RGS17: variants seen among roughly 807,000 people sequenced by gnomAD.
RGS17 encodes the protein regulator of G protein signaling 17, also known as regulator of G-protein signaling 17.
A neutral mutation model predicts 25.5 loss-of-function variants in RGS17; 12 were observed. That is an observed-to-expected ratio of 0.47 (90% CI 0.30 to 0.76). The LOEUF is 0.76. RGS17 is among the 30% of genes least tolerant of loss of function. The pLI, the probability that RGS17 is intolerant of heterozygous loss-of-function variation, is 0.07. For missense variants in RGS17, 196 were observed against 242.2 expected (o/e 0.81, Z 1.27); for synonymous variants, 71 against 76.9 (o/e 0.92, Z 0.40).
intron 4 of RGS17, among the ~76,000 whole-genome samples, chr6:153,022,399 A>G (rs1283350327): frequency 1.3e-5 from 2 of 152,258 alleles, no homozygotes; most frequent in East Asian, 3.8e-4. Flanking sequence ...AAAATGTTTT[A>G]CATAAAAAAC....
At chr6:153,109,015 T>C (rs1250742184) in intron 1 of RGS17, among the ~76,000 whole-genome samples, 1 of 152,154 alleles carries the variant, frequency 6.6e-6, no homozygotes, top group Non-Finnish European at 1.5e-5. Flanking sequence ...GCTCAGTAAG[T>C]AATTTGTTTA....
At chr6:153,047,977 G>A (rs1776405782) in intron 1 of RGS17, among the ~76,000 whole-genome samples, 1 of 151,992 alleles carries the variant, frequency 6.6e-6, no homozygotes, top group Non-Finnish European at 1.5e-5. Flanking sequence ...AATTTTGAAT[G>A]GCCACAGTGT....
chr6:153,120,639 G>A (rs1247040317), intron 1 of RGS17, among the ~76,000 whole-genome samples: 2 of 152,136 alleles, frequency 1.3e-5, no homozygotes, highest in Non-Finnish European at 2.9e-5. Context: ...TCCGCTTAGA[G>A]AGCTTCAGCA....
At chr6:153,066,841 A>G (rs1301062434) in intron 1 of RGS17, among the ~76,000 whole-genome samples, 1 of 152,154 alleles carries the variant, frequency 6.6e-6, no homozygotes, top group Non-Finnish European at 1.5e-5. Context: ...GGAGATCGAG[A>G]CCATCCTGGC....
In RGS17 at chr6:153,006,381, T is replaced by A. The variant is rs1229446720; in HGVS notation, c.*5193A>T. ...TTCAAATGATTGATCTTATTTAAAC[T>A]TTAATTTTAACCTATAATTGTATAT... On this transcript the variant is annotated 3_prime_UTR_variant, in exon 5 of 5. Coordinates refer to ENST00000206262, the MANE Select transcript of RGS17 (RefSeq NM_012419.5). 2 of 152,350 alleles carry A rather than the reference T, an allele frequency of 1.3e-5. No homozygotes were observed. Among genetic ancestry groups the A allele is most frequent in the African/African-American group, 4.8e-5 (2 of 41,332 alleles). 9.4% of individuals were successfully genotyped at this position (152,350 alleles called of 1,614,324 possible).
chr6:153,055,680 C>T (rs981324460), intron 1 of RGS17, among the ~76,000 whole-genome samples: 1 of 152,150 alleles, frequency 6.6e-6, no homozygotes, highest in Non-Finnish European at 1.5e-5. Flanking sequence ...GGAAGAAATA[C>T]TAACGGACCC....
At chr6:153,109,766 G>A (rs1346412389) in intron 1 of RGS17, among the ~76,000 whole-genome samples, 1 of 152,188 alleles carries the variant, frequency 6.6e-6, no homozygotes, top group Non-Finnish European at 1.5e-5. Flanking sequence ...AGAGTGTCAG[G>A]GTGCCATTTA....
intron 1 of RGS17, among the ~76,000 whole-genome samples, chr6:153,062,552 C>G (rs1776654247): frequency 6.6e-6 from 1 of 152,122 alleles, no homozygotes; most frequent in Admixed American, 6.5e-5. Context: ...GAAAGGCAGT[C>G]TAAGCTACAA....
chr6:153,021,403 G>A (rs1001082046), intron 4 of RGS17, among the ~76,000 whole-genome samples: 1 of 152,190 alleles, frequency 6.6e-6, no homozygotes, highest in Non-Finnish European at 1.5e-5. Flanking sequence ...GTTCAGTGAG[G>A]TACATAATAG....
intron 4 of RGS17, among the ~76,000 whole-genome samples, chr6:153,012,161 A>G (rs778324843): frequency 1.3e-5 from 2 of 152,238 alleles, no homozygotes; most frequent in Non-Finnish European, 2.9e-5. Flanking sequence ...ATAAAAATCT[A>G]CTGGCAGAAA....
intron 1 of RGS17, among the ~76,000 whole-genome samples, chr6:153,129,445 TCACG>T (rs1267614157): frequency 6.6e-6 from 1 of 152,240 alleles, no homozygotes; most frequent in Non-Finnish European, 1.5e-5. Context: ...TTTAAATGTT[TCACG>T]GTTTGCAAAT....
rs923844148 is a variant in RGS17, at chr6:153,130,878, A to G, written c.-26+246T>C. Among the ~76,000 whole-genome samples, 6 of 151,928 alleles carry G rather than the reference A, an allele frequency of 3.9e-5. No individual in the cohort carries two copies. The highest frequency in any genetic ancestry group is 6.5e-5 in the Admixed American group (1 of 15,290). On this transcript the variant is annotated intron_variant, in intron 1 of 4. Coordinates refer to ENST00000206262, the MANE Select transcript of RGS17 (RefSeq NM_012419.5). The surrounding 1 kb of genome is among the most constrained non-coding windows in gnomAD (Gnocchi z 6.4). Reference sequence around the variant, plus strand: ...TGAGGGCGGCGAGCGGACCGCGTCCAGGCAGCGACGCGGGATTCAACTTCC... The same window carrying G: ...TGAGGGCGGCGAGCGGACCGCGTCCGGGCAGCGACGCGGGATTCAACTTCC...
intron 1 of RGS17, among the ~76,000 whole-genome samples, chr6:153,064,936 G>A (rs1389899055): frequency 6.6e-6 from 1 of 152,094 alleles, no homozygotes; most frequent in Non-Finnish European, 1.5e-5. Context: ...AAAATGGCAA[G>A]AGTAAATCCT....
intron 1 of RGS17, among the ~76,000 whole-genome samples, chr6:153,070,578 C>A (rs1436878389): frequency 6.6e-6 from 1 of 151,624 alleles, no homozygotes; most frequent in South Asian, 2.1e-4. Flanking sequence ...GGGACTTGAA[C>A]ATCAAGAGTT....
intron 1 of RGS17, among the ~76,000 whole-genome samples, chr6:153,074,822 A>T (rs1010606939): frequency 6.6e-6 from 1 of 152,174 alleles, no homozygotes; most frequent in Non-Finnish European, 1.5e-5. Context: ...TTACTGACTG[A>T]CTGGTAGTCT....
chr6:153,069,700 T>C (rs1776759462), intron 1 of RGS17, among the ~76,000 whole-genome samples: 1 of 151,916 alleles, frequency 6.6e-6, no homozygotes, highest in Non-Finnish European at 1.5e-5. Context: ...TGCATGCCTG[T>C]ATCATAACAT....
chr6:153,096,620 T>A (rs936939596), intron 1 of RGS17, among the ~76,000 whole-genome samples: 1 of 152,226 alleles, frequency 6.6e-6, no homozygotes, highest in Non-Finnish European at 1.5e-5. Flanking sequence ...GTCACAGCTA[T>A]ATGATCGTTG....
At chr6:153,062,188 T>C (rs1351104546) in intron 1 of RGS17, among the ~76,000 whole-genome samples, 1 of 135,914 alleles carries the variant, frequency 7.4e-6, no homozygotes, top group Non-Finnish European at 1.5e-5. Flanking sequence ...ATACTCACAA[T>C]ACCTGGTTTT....
Position 153,010,044 on chromosome 6 carries a change from T to TA in RGS17, c.*1529dup, listed in dbSNP as rs1584115474. Reference sequence around the variant, plus strand: ...AATAAATTAAAAAATGAGAGGTAGTTAAAAAAATGACAAAGAAAACCTGTA... The same window carrying TA: ...AATAAATTAAAAAATGAGAGGTAGTTAAAAAAAATGACAAAGAAAACCTGTA... On this transcript the variant is annotated 3_prime_UTR_variant, in exon 5 of 5. Transcript: ENST00000206262. 1.3e-5 allele frequency: 2 copies of TA among 151,752 alleles called. No individual in the cohort carries two copies. Among genetic ancestry groups the TA allele is most frequent in the East Asian group, 3.8e-4 (2 of 5,196 alleles). 9.4% of individuals were successfully genotyped at this position (151,752 alleles called of 1,614,324 possible). A position where few individuals can be genotyped will look rare whatever the true frequency, so the allele number is the denominator to read the frequency against.
Sources: allele counts gnomAD v4.1 joint callset (sites outside exome capture counted in the v4.1 genomes callset), GRCh38; gene constraint gnomAD v4.1.1; non-coding constraint Gnocchi (gnomAD v3.1); transcripts MANE v1.5; gene names NCBI Gene and HGNC (gene_info 2026-07-23, HGNC 2026-07-21).